Variants in RBM39 observed in about 807,000 individuals in gnomAD.
The protein encoded by RBM39 is RNA binding motif protein 39.
A neutral mutation model predicts 79.6 loss-of-function variants in RBM39; 12 were observed. That is an observed-to-expected ratio of 0.15 (90% confidence interval 0.10 to 0.24). RBM39 has a LOEUF of 0.24. Ranked by LOEUF, RBM39 falls within the 10% of genes least tolerant of loss-of-function variation. The pLI is 1.00. For synonymous variants in RBM39, 185 were observed against 208.4 expected (o/e 0.89, Z 0.97); for missense variants, 243 against 653.4 (o/e 0.37, Z 6.85).
chr20:35,705,397 T>A, intron 14 of RBM39, 67 bp from the exon 15 acceptor site: 1 of 892,912 alleles, frequency 1.1e-6, no homozygotes, highest in Non-Finnish European at 1.7e-6. Flanking sequence ...TACAAATGTA[T>A]CAAAAAATTT....
At chr20:35,733,019 G>A (rs2039533538) in intron 3 of RBM39, among the ~76,000 whole-genome samples, 1 of 152,130 alleles carries the variant, frequency 6.6e-6, no homozygotes, top group Non-Finnish European at 1.5e-5. Context: ...AAGAACTAAT[G>A]CAGGCCAGTG....
chr20:35,710,675 C>G (rs1212084950), intron 12 of RBM39: 1 of 152,156 alleles, frequency 6.6e-6, no homozygotes, highest in Non-Finnish European at 1.5e-5. Context: ...ACAAGCACCT[C>G]AAACACAGTA....
At chr20:35,739,268 T>C in intron 2 of RBM39, 2 of 507,786 alleles carry the variant, frequency 3.9e-6, no homozygotes, top group Admixed American at 3.3e-5. Context: ...TTTACTTTCT[T>C]ATATAGTTTA....
In RBM39 at chr20:35,704,760, GAAA is replaced by G. The variant is rs756882149; in HGVS notation, c.1414-17_1414-15del. The G allele has an allele frequency of 1.9e-6, 3 of 1,595,492 alleles. No individual in the cohort carries two copies. Among genetic ancestry groups the G allele is most frequent in the Non-Finnish European group, 2.6e-6 (3 of 1,173,382 alleles). ...ATACACATTGCCCTACAGAAAAAAT[GAAA>G]AAAAAGGTAAAGATGTTGCTGTATG... On this transcript the variant is annotated splice_polypyrimidine_tract_variant and intron_variant, in intron 15 of 16. Coordinates refer to ENST00000253363, the MANE Select transcript of RBM39 (RefSeq NM_184234.3).
At chr20:35,724,434 A>T in intron 8 of RBM39, 136 bp downstream of exon 8, 1 of 469,952 alleles carries the variant, frequency 2.1e-6, no homozygotes, top group Non-Finnish European at 3.1e-6. Flanking sequence ...CGCAAAGTTA[A>T]AAAAAAAAAA....
intron 3 of RBM39, among the ~76,000 whole-genome samples, chr20:35,733,216 T>C (rs6119646): frequency 0.74 from 111,887 of 151,030 alleles, 42,242 homozygotes; most frequent in East Asian, 0.83. Flanking sequence ...AGCAAGAGAA[T>C]TGCTTGAACC....
At chr20:35,717,930 C>G (rs558838473) in intron 9 of RBM39, among the ~76,000 whole-genome samples, 114 of 152,092 alleles carry the variant, frequency 7.5e-4, no homozygotes, top group African/African-American at 2.6e-3. Flanking sequence ...GTGATCTTGG[C>G]TCACTGCGAG....
At chr20:35,709,157 A>G (rs562854635) in intron 13 of RBM39, 67 bp downstream of exon 13, 167 of 1,404,472 alleles carry the variant, frequency 1.2e-4, no homozygotes, top group Non-Finnish European at 1.4e-4. Context: ...TAAATATAGA[A>G]AACTGTCTTA....
At chr20:35,711,950 G>A (rs1300914834) in intron 12 of RBM39, among the ~76,000 whole-genome samples, 1 of 152,112 alleles carries the variant, frequency 6.6e-6, no homozygotes, top group African/African-American at 2.4e-5. Flanking sequence ...AAAATTAGCT[G>A]GGTGTGGTGG....
chr20:35,722,699 C>T (rs1600508248), intron 8 of RBM39, among the ~76,000 whole-genome samples: 1 of 151,498 alleles, frequency 6.6e-6, no homozygotes, highest in Non-Finnish European at 1.5e-5. Flanking sequence ...TTTGGGAGGC[C>T]GAGGCGGACG....
intron 6 of RBM39, among the ~76,000 whole-genome samples, 169 bp from the exon 7 acceptor site, chr20:35,725,324 G>A (rs2038519565): frequency 6.6e-6 from 1 of 152,100 alleles, no homozygotes; most frequent in Admixed American, 6.6e-5. Flanking sequence ...CCTGTCACCT[G>A]AGCAGTATAT....
At chr20:35,737,635 G>A (rs1409992959) in intron 3 of RBM39, among the ~76,000 whole-genome samples, 1 of 151,548 alleles carries the variant, frequency 6.6e-6, no homozygotes, top group Non-Finnish European at 1.5e-5. Context: ...GGCCAAGGCA[G>A]GCGGATCACA....
At chr20:35,705,520 G>A (rs886919884) in intron 14 of RBM39, 190 bp from the exon 15 acceptor site, 38 of 459,236 alleles carry the variant, frequency 8.3e-5, no homozygotes, top group African/African-American at 5.5e-4. Flanking sequence ...CAATGAGGCC[G>A]GGCGCGGTGA....
At chr20:35,727,881 T>C (rs996310503) in intron 6 of RBM39, among the ~76,000 whole-genome samples, 3 of 152,148 alleles carry the variant, frequency 2.0e-5, no homozygotes, top group Non-Finnish European at 4.4e-5. Flanking sequence ...ACTTCTGACC[T>C]CAGGTGATCC....
Position 35,732,154 on chromosome 20 carries a change from G to A in RBM39, c.102-19C>T, listed in dbSNP as rs748867368. On this transcript the variant is annotated intron_variant, in intron 3 of 16. Coordinates refer to ENST00000253363, the MANE Select transcript of RBM39 (RefSeq NM_184234.3). ...TTTCCTCCTGAGAAGAAAAAAACTC[G>A]CCATTATCATGCTGGCTTAAGAACC... is the stretch of plus-strand genomic sequence containing the variant. 13 of 1,611,748 alleles carry A rather than the reference G, an allele frequency of 8.1e-6. No homozygotes were observed. In the Admixed American group the frequency reaches 8.4e-5, roughly 10 times the overall value.
chr20:35,708,949 C>T (rs1230320641), intron 13 of RBM39: 1 of 311,906 alleles, frequency 3.2e-6, no homozygotes, highest in Non-Finnish European at 6.0e-6. Context: ...ACTTAGAACA[C>T]ACAGGTAGGC....
At position 35,731,970 on chromosome 20, in the gene RBM39, T is replaced by C. The variant is rs1456865815; in HGVS notation, c.267A>G (p.Arg89=). 1.2e-6 allele frequency: 2 copies of C among 1,613,974 alleles called. No homozygotes were observed. The highest frequency in any genetic ancestry group is 2.7e-5 in the African/African-American group (2 of 74,908). ...RRRSRSRSRD[R]RFRGRYRSPY... is the part of the protein sequence containing the mutation. Reference sequence around the variant, plus strand: ...GACTTCTGTAGCGGCCTCTAAATCTTCGATCTCGACTTCTTGAGCGGCTCC... The same window carrying C: ...GACTTCTGTAGCGGCCTCTAAATCTCCGATCTCGACTTCTTGAGCGGCTCC... Residue 89 remains arginine (R), a synonymous_variant, in exon 4 of 17, where the codon CGA becomes CGG. Transcript: ENST00000253363.
chr20:35,732,310 C>T (rs1365320813), intron 3 of RBM39, 175 bp from the exon 4 acceptor site: 2 of 637,920 alleles, frequency 3.1e-6, no homozygotes, highest in South Asian at 2.0e-5. Context: ...GTAATCTCAG[C>T]ACTTTGGTAG....
At chr20:35,721,359 T>C (rs78920926) in intron 9 of RBM39, among the ~76,000 whole-genome samples, 2 of 152,300 alleles carry the variant, frequency 1.3e-5, no homozygotes, top group Admixed American at 6.5e-5. Context: ...AGGATCACAC[T>C]GTTACCCAAG....
Sources: gnomAD v4.1 joint callset for allele counts (sites outside exome capture counted in the v4.1 genomes callset) on GRCh38, gnomAD v4.1.1 for gene constraint, MANE v1.5 for transcripts, NCBI Gene and HGNC (gene_info 2026-07-23, HGNC 2026-07-21) for gene names.